RALYL: variants seen among roughly 807,000 people sequenced by gnomAD.
RALYL encodes RALY RNA binding protein like, also known as RNA-binding Raly-like protein.
Under a neutral mutation model 35.1 loss-of-function variants are expected in RALYL, and 29 were observed. The ratio of observed to expected loss-of-function variants is 0.83; its 90% CI spans 0.61 to 1.13. The LOEUF (loss-of-function observed/expected upper bound fraction) is 1.13. Among genes scored for constraint, RALYL ranks in the 50% most tolerant of loss-of-function variants. The pLI, the probability that RALYL is intolerant of heterozygous loss-of-function variation, is 0.00. For synonymous variants in RALYL, 120 were observed against 127.6 expected, an observed-to-expected ratio of 0.94 and a Z score of 0.40; for missense variants, 359 against 360.4, an observed-to-expected ratio of 1.00 and a Z score of 0.03.
At chr8:84,551,434 G>T (rs6998618) in intron 2 of RALYL, among the ~76,000 whole-genome samples, 1 of 152,058 alleles carries the variant, frequency 6.6e-6, no homozygotes, top group Non-Finnish European at 1.5e-5. Flanking sequence ...ATTCCATATA[G>T]ATGTGCTAGA....
intron 1 of RALYL, among the ~76,000 whole-genome samples, chr8:84,237,410 C>T (rs531521982): frequency 1.3e-5 from 2 of 152,188 alleles, no homozygotes; most frequent in African/African-American, 4.8e-5. Context: ...GGGAGATTCT[C>T]TTAGAGGCTG....
intron 4 of RALYL, among the ~76,000 whole-genome samples, chr8:84,834,531 A>G (rs975389645): frequency 5.9e-5 from 9 of 152,238 alleles, no homozygotes; most frequent in Middle Eastern, 3.4e-3. Context: ...ATAAGAAGAA[A>G]AGCACCTGGA....
At chr8:84,653,102 C>T (rs531533804) in intron 2 of RALYL, among the ~76,000 whole-genome samples, 31 of 152,074 alleles carry the variant, frequency 2.0e-4, no homozygotes, top group African/African-American at 7.2e-4. Flanking sequence ...CTTGAGAGTG[C>T]GTACCAGAGT....
chr8:84,371,788 G>A (rs991276366), intron 1 of RALYL, among the ~76,000 whole-genome samples: 7 of 151,934 alleles, frequency 4.6e-5, no homozygotes, highest in African/African-American at 1.7e-4. Flanking sequence ...TTATGAACAG[G>A]TTTCTTGGGA....
intron 1 of RALYL, among the ~76,000 whole-genome samples, chr8:84,525,959 T>C (rs1344320886): frequency 1.4e-3 from 67 of 49,588 alleles, no homozygotes; most frequent in Non-Finnish European, 2.4e-3. Flanking sequence ...TTTTCTTTTT[T>C]TTTTTTTTTT....
intron 1 of RALYL, among the ~76,000 whole-genome samples, chr8:84,273,658 A>T (rs1427330043): frequency 1.3e-5 from 2 of 152,208 alleles, no homozygotes; most frequent in Admixed American, 1.3e-4. Flanking sequence ...TCTTAGTATT[A>T]CTTGACATGT....
chr8:84,244,735 C>G (rs559247711), intron 1 of RALYL, among the ~76,000 whole-genome samples: 1 of 152,302 alleles, frequency 6.6e-6, no homozygotes, highest in African/African-American at 2.4e-5. Flanking sequence ...TCAGACACAT[C>G]ACAGTTTCTG....
intron 2 of RALYL, among the ~76,000 whole-genome samples, chr8:84,544,557 G>T (rs28377892): frequency 0.029 from 4,463 of 151,982 alleles, 112 homozygotes; most frequent in Middle Eastern, 0.079. Flanking sequence ...CTGAGGTGAT[G>T]ACTGACCTTC....
At chr8:84,677,390 C>A (rs1163718944) in intron 2 of RALYL, among the ~76,000 whole-genome samples, 1 of 152,088 alleles carries the variant, frequency 6.6e-6, no homozygotes, top group Non-Finnish European at 1.5e-5. Flanking sequence ...TAAACCTGGT[C>A]ATTGTACTAC....
intron 2 of RALYL, among the ~76,000 whole-genome samples, chr8:84,578,108 G>A (rs981553259): frequency 2.6e-5 from 4 of 152,240 alleles, no homozygotes; most frequent in African/African-American, 9.6e-5. Flanking sequence ...CAGGCACAGA[G>A]TGGCAAGGGG....
intron 4 of RALYL, among the ~76,000 whole-genome samples, chr8:84,820,072 CAATCATTA>C (rs1828194556): frequency 6.6e-6 from 1 of 152,080 alleles, no homozygotes; most frequent in Non-Finnish European, 1.5e-5. Flanking sequence ...AGAACCTGTT[CAATCATTA>C]AATCCACTCA....
At chr8:84,827,297 C>T (rs1044138290) in intron 4 of RALYL, among the ~76,000 whole-genome samples, 5 of 152,092 alleles carry the variant, frequency 3.3e-5, no homozygotes, top group East Asian at 1.9e-4. Context: ...CTGAAAGATA[C>T]GAGTTTTCTA....
chr8:84,243,890 G>T (rs1007305800), intron 1 of RALYL, among the ~76,000 whole-genome samples: 11 of 152,142 alleles, frequency 7.2e-5, no homozygotes, highest in African/African-American at 2.4e-4. Context: ...AGGAGGACAT[G>T]CACCCTCTCT....
At chr8:84,290,683 C>T (rs1012378878) in intron 1 of RALYL, among the ~76,000 whole-genome samples, 2 of 152,178 alleles carry the variant, frequency 1.3e-5, no homozygotes, top group Non-Finnish European at 2.9e-5. Flanking sequence ...TCAGTTACTT[C>T]AGGCCATCTG....
In RALYL at chr8:84,704,873, C is replaced by T. The variant is rs188241023; in HGVS notation, c.257-69706C>T. Among the ~76,000 whole-genome samples, 30 of 152,148 alleles carry T rather than the reference C, an allele frequency of 2.0e-4. No homozygotes were observed. In the South Asian group the frequency reaches 2.1e-3, roughly 11 times the overall value. The stretch of plus-strand genomic sequence containing the variant: ...GAAGAGTTATGGAGATGATATTTCC[C>T]GCTACTAGTAGGTAGCCTGGATTTG... On this transcript the variant is annotated intron_variant, in intron 2 of 8. Coordinates refer to ENST00000521268, the MANE Select transcript of RALYL (RefSeq NM_173848.7).
intron 1 of RALYL, among the ~76,000 whole-genome samples, chr8:84,218,417 T>C (rs982128447): frequency 6.6e-6 from 1 of 152,058 alleles, no homozygotes; most frequent in Non-Finnish European, 1.5e-5. Context: ...AAAAATGCTG[T>C]CAGTTCAACT....
In RALYL at chr8:84,400,927, C is replaced by T. The variant is rs550890304; in HGVS notation, c.-23-128372C>T. Among the ~76,000 whole-genome samples the T allele has an allele frequency of 8.6e-5, 13 of 152,032 alleles. No homozygotes were observed. The East Asian group carries it at 1.2e-3, about 14-fold the overall frequency. On this transcript the variant is annotated intron_variant, in intron 1 of 8. Coordinates refer to ENST00000521268, the MANE Select transcript of RALYL (RefSeq NM_173848.7). ...ATGAATGAATACATTTTTTTCTTGG[C>T]GTGTTTAATTGGTATTCCTTCTCAA...
chr8:84,399,362 G>A (rs779011004), intron 1 of RALYL, among the ~76,000 whole-genome samples: 1 of 152,108 alleles, frequency 6.6e-6, no homozygotes, highest in African/African-American at 2.4e-5. Context: ...CCCTCTGTAG[G>A]ACATCAGAAT....
intron 1 of RALYL, among the ~76,000 whole-genome samples, chr8:84,424,626 CTG>C: frequency 6.6e-6 from 1 of 151,790 alleles, no homozygotes; most frequent in East Asian, 1.9e-4. Context: ...GAGAGACGCT[CTG>C]TGTTTTAGAG....
Sources: gnomAD v4.1 joint callset for allele counts (sites outside exome capture counted in the v4.1 genomes callset) on GRCh38, gnomAD v4.1.1 for gene constraint, MANE v1.5 for transcripts, NCBI Gene and HGNC (gene_info 2026-07-23, HGNC 2026-07-21) for gene names.